The following IQCM variants were observed in gnomAD, a reference collection of about 807,000 sequenced individuals.
IQCM encodes the protein IQ motif containing M, also known as IQ domain-containing protein M.
IQCM carries 45 observed loss-of-function variants against 57.6 expected under a neutral mutation model. That is an observed-to-expected ratio of 0.78 (90% CI 0.62 to 1.00). The LOEUF (loss-of-function observed/expected upper bound fraction) is 1.00. IQCM is among the 50% of genes least tolerant of loss of function. IQCM has a pLI of 0.00. For missense variants in IQCM, 468 were observed against 511.6 expected (o/e 0.91, Z 0.82); for synonymous variants, 148 against 158.9 (o/e 0.93, Z 0.51).
At chr4:149,405,219 A>G (rs1415563904) in intron 13 of IQCM, among the ~76,000 whole-genome samples, 1 of 152,136 alleles carries the variant, frequency 6.6e-6, no homozygotes, top group Non-Finnish European at 1.5e-5. Flanking sequence ...AGTTCCTAGT[A>G]GAGTGCTTGA....
chr4:149,702,463 C>G (rs925770311), intron 5 of IQCM, among the ~76,000 whole-genome samples: 2 of 151,796 alleles, frequency 1.3e-5, no homozygotes, highest in African/African-American at 4.8e-5. Context: ...TAAAAAGAAG[C>G]TTTTCACACA....
In IQCM at chr4:149,486,847, C is replaced by A. The variant is rs551922622; in HGVS notation, c.1229-53290G>T. On this transcript the variant is annotated intron_variant, in intron 12 of 13. Coordinates refer to ENST00000636793, the MANE Select transcript of IQCM (RefSeq NM_001363507.2). ...TTCAGGGCAGTGGGCTCCCCTTTGG[C>A]CAAGGGAAGATTCAGAAATGCTGTC... Among the ~76,000 whole-genome samples, 52 of 152,206 alleles carry A rather than the reference C, an allele frequency of 3.4e-4. No individual in the cohort carries two copies. In the South Asian group the frequency reaches 4.1e-3, roughly 12 times the overall value.
intron 5 of IQCM, among the ~76,000 whole-genome samples, chr4:149,708,300 T>C (rs912956182): frequency 6.6e-6 from 1 of 151,984 alleles, no homozygotes; most frequent in African/African-American, 2.4e-5. Context: ...TATACTTATA[T>C]CCCTAATTGC....
intron 12 of IQCM, among the ~76,000 whole-genome samples, chr4:149,474,862 G>A (rs1740009299): frequency 6.6e-6 from 1 of 152,108 alleles, no homozygotes; most frequent in Admixed American, 6.6e-5. Context: ...AGAAGAAACA[G>A]TTGGTGAATG....
intron 12 of IQCM, among the ~76,000 whole-genome samples, chr4:149,511,520 C>T (rs1176536803): frequency 7.1e-6 from 1 of 139,998 alleles, no homozygotes; most frequent in Non-Finnish European, 1.5e-5. Context: ...AGAATGAGAC[C>T]CTGTCTCTAA....
At chr4:149,746,549 A>C (rs371196784) in intron 2 of IQCM, among the ~76,000 whole-genome samples, 147 of 152,284 alleles carry the variant, frequency 9.7e-4, no homozygotes, top group African/African-American at 2.6e-3. Flanking sequence ...CATTTAAAAT[A>C]AAACGTAATC....
At chr4:149,569,794 A>C (rs1424971183) in intron 9 of IQCM, among the ~76,000 whole-genome samples, 1 of 152,114 alleles carries the variant, frequency 6.6e-6, no homozygotes, top group Non-Finnish European at 1.5e-5. Flanking sequence ...TTTCCTCCAG[A>C]AACAGAAAAC....
chr4:149,808,497 G>T (rs1395713967), intron 2 of IQCM, among the ~76,000 whole-genome samples: 2 of 152,084 alleles, frequency 1.3e-5, no homozygotes, highest in Non-Finnish European at 2.9e-5. Flanking sequence ...AGAAATTATA[G>T]TTAATAATTT....
At chr4:149,693,375 C>T (rs1243460392) in intron 5 of IQCM, among the ~76,000 whole-genome samples, 4 of 152,086 alleles carry the variant, frequency 2.6e-5, no homozygotes, top group African/African-American at 7.2e-5. Flanking sequence ...TTTGAATAGC[C>T]GACTATCTCT....
intron 2 of IQCM, among the ~76,000 whole-genome samples, chr4:149,788,154 T>C (rs7690638): frequency 0.49 from 75,087 of 151,790 alleles, 22,096 homozygotes; most frequent in African/African-American, 0.8. Flanking sequence ...GCCAACATGG[T>C]GAAACTCTGT....
intron 8 of IQCM, among the ~76,000 whole-genome samples, chr4:149,613,562 T>C (rs1369682776): frequency 1.3e-5 from 2 of 152,182 alleles, no homozygotes; most frequent in Non-Finnish European, 2.9e-5. Context: ...TTGAAATTCC[T>C]GTTTTCACTT....
At chr4:149,810,344 C>T (rs1352618320) in intron 2 of IQCM, among the ~76,000 whole-genome samples, 21 of 132,060 alleles carry the variant, frequency 1.6e-4, no homozygotes, top group African/African-American at 5.2e-4. Flanking sequence ...CCTGGATGAC[C>T]GAGCAAGACA....
intron 13 of IQCM, among the ~76,000 whole-genome samples, chr4:149,415,233 T>C (rs1733660180): frequency 6.6e-6 from 1 of 152,198 alleles, no homozygotes. Flanking sequence ...ATTGCAATCA[T>C]TGGCTTCTGA....
intron 12 of IQCM, among the ~76,000 whole-genome samples, chr4:149,512,793 C>G (rs1181450530): frequency 6.6e-6 from 1 of 152,154 alleles, no homozygotes; most frequent in Non-Finnish European, 1.5e-5. Flanking sequence ...TTCTGAATAA[C>G]TTTTATCTCA....
intron 5 of IQCM, among the ~76,000 whole-genome samples, chr4:149,712,523 A>G (rs906383641): frequency 2.0e-5 from 3 of 152,144 alleles, no homozygotes; most frequent in Non-Finnish European, 4.4e-5. Flanking sequence ...ACTTCACTTC[A>G]TTATGCAACA....
chr4:149,536,957 A>T (rs930986486), intron 12 of IQCM, among the ~76,000 whole-genome samples: 4 of 152,070 alleles, frequency 2.6e-5, no homozygotes, highest in African/African-American at 9.7e-5. Flanking sequence ...AAACCTTTAC[A>T]TAAGTAAATC....
intron 2 of IQCM, among the ~76,000 whole-genome samples, chr4:149,779,042 A>G (rs775958931): frequency 3.9e-5 from 6 of 152,128 alleles, no homozygotes; most frequent in Non-Finnish European, 8.8e-5. Context: ...CAATTAAAGG[A>G]CTCATATTCA....
intron 5 of IQCM, among the ~76,000 whole-genome samples, chr4:149,687,900 C>T (rs888644917): frequency 4.6e-5 from 7 of 151,866 alleles, no homozygotes; most frequent in South Asian, 2.1e-4. Context: ...AATCCAGCAC[C>T]GCTTTATGAT....
chr4:149,657,410 T>G (rs1759734093), intron 7 of IQCM, among the ~76,000 whole-genome samples: 1 of 152,160 alleles, frequency 6.6e-6, no homozygotes, highest in African/African-American at 2.4e-5. Context: ...CTACCATTCA[T>G]CCATTGTTAA....
Sources: gnomAD v4.1 joint callset for allele counts (sites outside exome capture counted in the v4.1 genomes callset) on GRCh38, gnomAD v4.1.1 for gene constraint, MANE v1.5 for transcripts, NCBI Gene and HGNC (gene_info 2026-07-23, HGNC 2026-07-21) for gene names.